The following RMDN2 variants were observed in gnomAD, a reference collection of about 807,000 sequenced individuals.
The protein encoded by RMDN2 is regulator of microtubule dynamics protein 2.
RMDN2 carries 61 observed loss-of-function variants against 52.8 expected under a neutral mutation model. The ratio of observed to expected loss-of-function variants is 1.16; its 90% CI spans 0.94 to 1.43. The LOEUF (loss-of-function observed/expected upper bound fraction) is 1.43. RMDN2 is among the 40% of genes most tolerant of loss of function. The pLI is 0.00. For synonymous variants in RMDN2, 180 were observed against 153.1 expected, an observed-to-expected ratio of 1.18 and a Z score of -1.30; for missense variants, 592 against 475.3, an observed-to-expected ratio of 1.25 and a Z score of -2.28.
chr2:37,985,619 GT>G (rs1259466930), intron 5 of RMDN2, among the ~76,000 whole-genome samples: 3 of 152,116 alleles, frequency 2.0e-5, no homozygotes, highest in Admixed American at 6.5e-5. Context: ...GGTCCCCAGT[GT>G]GTTCAGTAAT....
chr2:38,022,735 C>T (rs868080322), downstream of RMDN2, among the ~76,000 whole-genome samples: 6 of 152,208 alleles, frequency 3.9e-5, no homozygotes, highest in South Asian at 2.1e-4. Flanking sequence ...TGCCACTTCT[C>T]ATTTGTGCCT....
At chr2:37,956,990 C>T (rs1274746588) in intron 2 of RMDN2, among the ~76,000 whole-genome samples, 1 of 152,062 alleles carries the variant, frequency 6.6e-6, no homozygotes, top group Non-Finnish European at 1.5e-5. Context: ...TGAACTCATT[C>T]TTTTTTATGG....
chr2:37,932,262 CT>C (rs1253621895), intron 2 of RMDN2, among the ~76,000 whole-genome samples: 2 of 150,374 alleles, frequency 1.3e-5, no homozygotes, highest in African/African-American at 4.9e-5. Flanking sequence ...GTGGTGATGA[CT>C]CTTAAGGAGC....
intron 10 of RMDN2, among the ~76,000 whole-genome samples, chr2:38,045,719 T>C (rs1261793269): frequency 6.6e-6 from 1 of 152,226 alleles, no homozygotes; most frequent in African/African-American, 2.4e-5. Flanking sequence ...CATTTTTGCC[T>C]GGAGCTGCTC....
intron 10 of RMDN2, among the ~76,000 whole-genome samples, chr2:38,014,102 C>G (rs1292026842): frequency 6.6e-6 from 1 of 151,836 alleles, no homozygotes; most frequent in African/African-American, 2.4e-5. Flanking sequence ...ATCCCAGCTA[C>G]TAGGGAGGCC....
At chr2:37,926,701 AG>A (rs1666308947) in intron 1 of RMDN2, among the ~76,000 whole-genome samples, 1 of 152,214 alleles carries the variant, frequency 6.6e-6, no homozygotes, top group Non-Finnish European at 1.5e-5. Flanking sequence ...GCACTTTGAG[AG>A]GTGGAGGCAG....
intron 5 of RMDN2, among the ~76,000 whole-genome samples, chr2:37,984,810 A>C (rs1241534838): frequency 2.0e-5 from 3 of 151,930 alleles, no homozygotes; most frequent in Admixed American, 1.3e-4. Flanking sequence ...TTGTGAATTA[A>C]CTTTTTTCAG....
chr2:37,977,026 C>G (rs1005561624), intron 4 of RMDN2, among the ~76,000 whole-genome samples: 32 of 152,022 alleles, frequency 2.1e-4, no homozygotes, highest in South Asian at 4.2e-4. Flanking sequence ...CTGGGTACTT[C>G]AGATTAGGGA....
At chr2:38,006,868 A>G (rs1430274814) in intron 10 of RMDN2, among the ~76,000 whole-genome samples, 1 of 152,132 alleles carries the variant, frequency 6.6e-6, no homozygotes, top group Non-Finnish European at 1.5e-5. Flanking sequence ...TATTATTTTG[A>G]GATACGTCCC....
At chr2:38,033,662 G>A (rs1300933812) in intron 10 of RMDN2, among the ~76,000 whole-genome samples, 1 of 152,090 alleles carries the variant, frequency 6.6e-6, no homozygotes, top group African/African-American at 2.4e-5. Flanking sequence ...GTTTTCATAG[G>A]GCTCAATAAA....
rs116198282 is a variant in RMDN2 at position 38,028,412 on chromosome 2, T to C, written c.1713+24196T>C. Among the ~76,000 whole-genome samples the C allele has an allele frequency of 6.6e-3, 1,010 of 152,368 alleles. 9 individuals are homozygous for C. Among genetic ancestry groups the C allele is most frequent in the African/African-American group, 0.023 (958 of 41,592 alleles). On this transcript the variant is annotated intron_variant, in intron 10 of 10. Coordinates refer to the RMDN2 transcript ENST00000234195. ...TGTTTGCTTCATTGTATGGCATTAA[T>C]TTTAATGTTATTTTCTATTGAAAGG...
At chr2:38,043,129 C>T (rs1285923746) in intron 10 of RMDN2, among the ~76,000 whole-genome samples, 1 of 152,126 alleles carries the variant, frequency 6.6e-6, no homozygotes, top group Non-Finnish European at 1.5e-5. Context: ...GTCTATTTCT[C>T]CCTGCAATCT....
intron 8 of RMDN2, chr2:37,997,736 C>T (rs1675763782): frequency 2.1e-6 from 1 of 468,360 alleles, no homozygotes; most frequent in Admixed American, 3.8e-5. Context: ...GAATTACAAA[C>T]TACTTTTTAA....
chr2:38,033,272 A>G (rs1392382353), intron 10 of RMDN2: 1 of 152,178 alleles, frequency 6.6e-6, no homozygotes, highest in African/African-American at 2.4e-5. Context: ...TCTTGCCTTA[A>G]CACTGGCAGT....
At chr2:37,978,778 A>AGATAGATG (rs1553365676) in intron 4 of RMDN2, among the ~76,000 whole-genome samples, 1 of 886 alleles carries the variant, frequency 1.1e-3, no homozygotes, top group Non-Finnish European at 2.3e-3. Context: ...ACCCTTTCTC[A>AGATAGATG]GATAGATAGA....
chr2:37,925,425 G>C lies in RMDN2; in HGVS notation c.-17G>C, dbSNP rs746636229. ...CTGAAAGGCCGGCGCAGTGAACACA[G>C]GTGCGTGCGCAGTCTGGGAGGGGGC... On this transcript the variant is annotated splice_region_variant and 5_prime_UTR_variant, in exon 1 of 11. Coordinates refer to ENST00000354545, the MANE Select transcript of RMDN2 (RefSeq NM_001170791.3). 1.3e-5 allele frequency: 2 copies of C among 152,460 alleles called. No homozygotes were observed. Among genetic ancestry groups the C allele is most frequent in the Non-Finnish European group, 2.9e-5 (2 of 68,246 alleles). The allele number at this position is 152,460 out of a possible 1,614,324, so 9.4% of individuals were successfully genotyped here.
At chr2:37,992,717 CAA>C (rs1182341968) in intron 7 of RMDN2, among the ~76,000 whole-genome samples, 1 of 152,030 alleles carries the variant, frequency 6.6e-6, no homozygotes, top group East Asian at 1.9e-4. Context: ...ACAAAAAAAA[CAA>C]AGAATAAAAA....
chr2:38,019,239 C>G (rs768892090), downstream of RMDN2, among the ~76,000 whole-genome samples: 1 of 152,138 alleles, frequency 6.6e-6, no homozygotes, highest in Non-Finnish European at 1.5e-5. Context: ...CAACTCATTC[C>G]GGCAGAGTGG....
intron 4 of RMDN2, among the ~76,000 whole-genome samples, chr2:37,979,637 A>G (rs944228767): frequency 1.3e-5 from 2 of 152,210 alleles, no homozygotes; most frequent in African/African-American, 2.4e-5. Context: ...TTCCTAATTA[A>G]GTAATCGATA....
Sources: allele counts gnomAD v4.1 joint callset (sites outside exome capture counted in the v4.1 genomes callset), GRCh38; gene constraint gnomAD v4.1.1; transcripts MANE v1.5; gene names NCBI Gene and HGNC (gene_info 2026-07-23, HGNC 2026-07-21).